OTUD7A: variants seen among roughly 807,000 people sequenced by gnomAD.
OTUD7A encodes OTU domain-containing protein 7A.
In OTUD7A, 12 loss-of-function variants were observed where a neutral mutation model predicts 65.7. The ratio of observed to expected loss-of-function variants is 0.18; its 90% CI spans 0.12 to 0.30. The LOEUF is 0.30. OTUD7A is among the 10% of genes least tolerant of loss of function. The pLI is 1.00. For missense variants in OTUD7A, 1,148 were observed against 1,304.8 expected (o/e 0.88, Z 1.85); for synonymous variants, 641 against 586.3 (o/e 1.09, Z -1.35).
chr15:31,732,212 C>T (rs904289893), intron 1 of OTUD7A, among the ~76,000 whole-genome samples: 2 of 152,200 alleles, frequency 1.3e-5, no homozygotes, highest in African/African-American at 4.8e-5. Context: ...CAGTGGAACT[C>T]ATTAAACAGC....
Position 31,483,699 on chromosome 15 carries a change from C to T in OTUD7A, c.2397G>A (p.Arg799=). The change falls in exon 13 of 13, where the codon CGG becomes CGA. Residue 799 remains arginine, a synonymous_variant. Coordinates refer to ENST00000307050, the MANE Select transcript of OTUD7A (RefSeq NM_001382637.1). The part of the protein sequence containing the change: ...EACAPAVGAL[R]PCATYPQQNR... ...TCTGCTGCGGGTACGTGGCGCACGGCCGCAGCGCCCCCACGGCCGGCGCGC... is the reference window on the plus strand; with the variant it reads ...TCTGCTGCGGGTACGTGGCGCACGGTCGCAGCGCCCCCACGGCCGGCGCGC... 5.2e-6 allele frequency: 6 copies of T among 1,153,204 alleles called. No individual in the cohort carries two copies. Among genetic ancestry groups the T allele is most frequent in the Non-Finnish European group, 6.4e-6 (6 of 938,796 alleles). The allele number at this position is 1,153,204 out of a possible 1,614,324, so 71.4% of individuals were successfully genotyped here.
intron 5 of OTUD7A, among the ~76,000 whole-genome samples, chr15:31,550,899 C>T (rs141823701): frequency 3.3e-5 from 5 of 152,270 alleles, no homozygotes; most frequent in South Asian, 2.1e-4. Context: ...ATGCTGCTAA[C>T]GGGAGCTATG....
chr15:31,502,260 G>T (rs2041480209), intron 9 of OTUD7A, among the ~76,000 whole-genome samples: 1 of 152,204 alleles, frequency 6.6e-6, no homozygotes, highest in Admixed American at 6.5e-5. Flanking sequence ...GAAGGAACCA[G>T]TCAGAGAGCT....
At chr15:31,730,499 T>C (rs553114469) in intron 1 of OTUD7A, among the ~76,000 whole-genome samples, 2 of 152,306 alleles carry the variant, frequency 1.3e-5, no homozygotes, top group South Asian at 4.1e-4. Flanking sequence ...GGCTCTGAAA[T>C]GTCAACCTTC....
chr15:31,538,195 T>C (rs575808571), intron 5 of OTUD7A, among the ~76,000 whole-genome samples: 1 of 152,288 alleles, frequency 6.6e-6, no homozygotes, highest in Non-Finnish European at 1.5e-5. Context: ...AGTGTGAGGA[T>C]GTGTGGCCTG....
rs756026648 is a variant in OTUD7A at position 31,570,071 on chromosome 15, G to T, written c.278C>A (p.Pro93His). 6.2e-7 allele frequency: 1 copy of T among 1,614,170 alleles called. No homozygotes were observed. The highest frequency in any genetic ancestry group is 2.2e-5 in the East Asian group (1 of 44,882). The change falls in exon 4 of 13, where the codon CCC becomes CAC. Residue 93 changes from proline (P) to histidine (H), a missense_variant. Physicochemically the swap from Pro to His is moderately conservative, Grantham distance 77. Transcript: ENST00000307050. ...GCAGGGTCGCTCCACCTTGTGCCCGGGCTGTGGCTCTCGCTCTGGCTGCTT... is the reference window on the plus strand; with the variant it reads ...GCAGGGTCGCTCCACCTTGTGCCCGTGCTGTGGCTCTCGCTCTGGCTGCTT... ...GPKQPEREPQ[P>H]GHKVERPCLQ...
chr15:31,744,721 G>T (rs990730703), intron 1 of OTUD7A, among the ~76,000 whole-genome samples: 3 of 152,016 alleles, frequency 2.0e-5, no homozygotes, highest in Admixed American at 1.3e-4. Context: ...AGGGATAAAG[G>T]TTAAAAAGGA....
At chr15:31,815,996 C>T (rs921205888) in intron 1 of OTUD7A, among the ~76,000 whole-genome samples, 1 of 152,194 alleles carries the variant, frequency 6.6e-6, no homozygotes, top group African/African-American at 2.4e-5. Context: ...AGTGACCGAC[C>T]AGAGGAGGCA....
chr15:31,526,419 TC>T lies in OTUD7A; in HGVS notation c.822del (p.Trp274Ter). ...VYTEEEWERE[W>X]TELLKLASSE... ...CTGGAGGCCAGCTTCAGCAGCTCCG[TC>T]CACTCCCGCTCCCACTCCTCCTCTG... On this transcript the variant is annotated frameshift_variant, in exon 8 of 13. Coordinates refer to ENST00000307050, the MANE Select transcript of OTUD7A (RefSeq NM_001382637.1). LOFTEE classifies it high-confidence loss of function. 6.2e-7 allele frequency: 1 copy of T among 1,602,566 alleles called. No homozygotes were observed. Among genetic ancestry groups the T allele is most frequent in the South Asian group, 1.1e-5 (1 of 90,180 alleles).
intron 1 of OTUD7A, among the ~76,000 whole-genome samples, chr15:31,828,150 TGA>T (rs1567043703): frequency 6.6e-6 from 1 of 152,210 alleles, no homozygotes; most frequent in Non-Finnish European, 1.5e-5. Context: ...CTCGCTCCTC[TGA>T]GTCTTCCTCC....
intron 5 of OTUD7A, among the ~76,000 whole-genome samples, chr15:31,547,878 A>G (rs1329606505): frequency 6.6e-6 from 1 of 152,224 alleles, no homozygotes; most frequent in African/African-American, 2.4e-5. Flanking sequence ...AACCAGCTGT[A>G]GACAAATCAG....
At chr15:31,660,922 T>A (rs1018026719) in intron 1 of OTUD7A, among the ~76,000 whole-genome samples, 4 of 152,236 alleles carry the variant, frequency 2.6e-5, no homozygotes, top group Non-Finnish European at 5.9e-5. Context: ...CACTTGTACC[T>A]GAGGCTCGGA....
rs144367632 is a variant in OTUD7A at position 31,571,444 on chromosome 15, CAGA to C, written c.152-1250_152-1248del. ...ATGTCCCTGATGAAGGAATGCAACC[CAGA>C]AGAACAGTCAAGAACACAGGTTCTA... is the stretch of plus-strand genomic sequence containing the variant. On this transcript the variant is annotated intron_variant, in intron 3 of 12. Transcript: ENST00000307050. Among the ~76,000 whole-genome samples, 244 of 152,274 alleles carry C rather than the reference CAGA, an allele frequency of 1.6e-3. 3 individuals carry two copies. The highest frequency in any genetic ancestry group is 5.9e-3 in the Admixed American group (91 of 15,296).
At chr15:31,786,806 G>A (rs771749243) in intron 1 of OTUD7A, among the ~76,000 whole-genome samples, 12 of 152,054 alleles carry the variant, frequency 7.9e-5, no homozygotes, top group African/African-American at 1.7e-4. Context: ...GCTCAGAGTC[G>A]AAGCATCCCA....
At chr15:31,646,627 AT>A (rs962880852) in intron 3 of OTUD7A, among the ~76,000 whole-genome samples, 1 of 151,828 alleles carries the variant, frequency 6.6e-6, no homozygotes, top group Non-Finnish European at 1.5e-5. Context: ...CGCCTGGCTA[AT>A]TTTTGTATTT....
chr15:31,753,503 T>C (rs1046470507), intron 1 of OTUD7A, among the ~76,000 whole-genome samples: 1 of 151,568 alleles, frequency 6.6e-6, no homozygotes, highest in African/African-American at 2.4e-5. Flanking sequence ...TCTTATGCCT[T>C]TGCATCCTCA....
At chr15:31,623,095 G>T (rs538787128) in intron 3 of OTUD7A, among the ~76,000 whole-genome samples, 1 of 152,240 alleles carries the variant, frequency 6.6e-6, no homozygotes, top group Non-Finnish European at 1.5e-5. Context: ...GCTGAACAGC[G>T]AATGTTGCTG....
rs550786391 is a variant in OTUD7A, at chr15:31,632,599, G to A, written c.151+22497C>T. On this transcript the variant is annotated intron_variant, in intron 3 of 12. Transcript: ENST00000307050. ...ACCCACTTGAGGAGGCAGTCTGCCC[G>A]TTCTCAGATCTCCAGCTGTGTGCTG... Among the ~76,000 whole-genome samples the A allele has an allele frequency of 6.9e-3, 1,052 of 152,354 alleles. 14 individuals carry two copies. The highest frequency in any genetic ancestry group is 0.01 in the Admixed American group (155 of 15,310).
At chr15:31,619,803 T>C (rs1890718544) in intron 3 of OTUD7A, among the ~76,000 whole-genome samples, 1 of 152,194 alleles carries the variant, frequency 6.6e-6, no homozygotes, top group Non-Finnish European at 1.5e-5. Flanking sequence ...TCCAACACTA[T>C]GTTGAATAGG....
Sources: gnomAD v4.1 joint callset for allele counts (sites outside exome capture counted in the v4.1 genomes callset) on GRCh38, gnomAD v4.1.1 for gene constraint, MANE v1.5 for transcripts, NCBI Gene and HGNC (gene_info 2026-07-23, HGNC 2026-07-21) for gene names.